ISM1: variants seen among roughly 807,000 people sequenced by gnomAD.
ISM1 encodes the protein isthmin-1.
ISM1 carries 25 observed loss-of-function variants against 46.3 expected under a neutral mutation model. The observed-to-expected ratio is 0.54, with a 90% CI of 0.39 to 0.75. The LOEUF (loss-of-function observed/expected upper bound fraction) is 0.75, where lower values mean the gene tolerates loss of function less well. ISM1 is among the 30% of genes least tolerant of loss of function. The pLI is 0.00. For synonymous variants in ISM1, 255 were observed against 256.7 expected (o/e 0.99, Z 0.06); for missense variants, 536 against 625.4 (o/e 0.86, Z 1.52).
the ISM1 span, among the ~76,000 whole-genome samples, chr20:13,309,248 G>A: frequency 1.3e-4 from 20 of 152,012 alleles, no homozygotes; most frequent in South Asian, 4.2e-3. Context: ...GTGAGTGGGT[G>A]GAGGAGGGGA....
rs183347924 is a variant in ISM1 at position 13,234,606 on chromosome 20, G to A, written c.138+12692G>A. Among the ~76,000 whole-genome samples, 181 of 152,194 alleles carry A rather than the reference G, an allele frequency of 1.2e-3. 5 individuals are homozygous for A. In the South Asian group the frequency reaches 0.035, roughly 30 times the overall value. The stretch of plus-strand genomic sequence containing the variant: ...AGTGTGCCCTTTTAGCCATGTCCTC[G>A]CCAACATATGTTGCTTTTAGATTTT... On this transcript the variant is annotated intron_variant, in intron 1 of 5. Transcript: ENST00000262487.
chr20:13,297,368 T>A (rs952986193), intron 5 of ISM1, among the ~76,000 whole-genome samples: 1 of 152,190 alleles, frequency 6.6e-6, no homozygotes, highest in African/African-American at 2.4e-5. Context: ...CAGTGGTTAC[T>A]CGTTTGCTCC....
In ISM1 at chr20:13,285,607, C is replaced by G. The variant is rs558430288; in HGVS notation, c.644-2933C>G. Among the ~76,000 whole-genome samples, 4 of 152,344 alleles carry G rather than the reference C, an allele frequency of 2.6e-5. No homozygotes were observed. The East Asian group carries it at 7.7e-4, about 29-fold the overall frequency. ...TGCACGGGCACTTTGTATACCTCAG[C>G]TGGCATCCTATTTGCTATTATCCCA... On this transcript the variant is annotated intron_variant, in intron 3 of 5. Coordinates refer to ENST00000262487, the MANE Select transcript of ISM1 (RefSeq NM_080826.2).
chr20:13,319,401 G>A, the ISM1 span, among the ~76,000 whole-genome samples: 12 of 152,138 alleles, frequency 7.9e-5, no homozygotes, highest in African/African-American at 2.9e-4. Flanking sequence ...CAGAGACACA[G>A]GACCCACTGA....
the ISM1 span, among the ~76,000 whole-genome samples, chr20:13,315,341 T>A: frequency 0.12 from 18,393 of 151,986 alleles, 1,243 homozygotes; most frequent in Admixed American, 0.18. Context: ...AGGTAAGTGT[T>A]TGCAGAAACA....
At chr20:13,269,302 C>T (rs1338975489) in intron 1 of ISM1, among the ~76,000 whole-genome samples, 1 of 152,174 alleles carries the variant, frequency 6.6e-6, no homozygotes, top group Admixed American at 6.5e-5. Context: ...AAAAGAAAGG[C>T]TGGTTTGGAA....
At chr20:13,232,857 C>T (rs945698675) in intron 1 of ISM1, among the ~76,000 whole-genome samples, 2 of 152,146 alleles carry the variant, frequency 1.3e-5, no homozygotes, top group East Asian at 1.9e-4. Flanking sequence ...TTATGAAATA[C>T]TGAAAGAAGG....
chr20:13,281,764 G>A (rs1028721983), intron 3 of ISM1, among the ~76,000 whole-genome samples: 1 of 152,172 alleles, frequency 6.6e-6, no homozygotes, highest in Admixed American at 6.5e-5. Flanking sequence ...ACAGAGGACC[G>A]CTTGATGCCA....
intron 1 of ISM1, among the ~76,000 whole-genome samples, chr20:13,223,187 TA>T (rs377254485): frequency 0.012 from 1,480 of 125,516 alleles, 21 homozygotes; most frequent in African/African-American, 0.044. Context: ...TAAAATAAAA[TA>T]AAATAAATAA....
chr20:13,240,025 T>C (rs1237553462), intron 1 of ISM1, among the ~76,000 whole-genome samples: 1 of 152,190 alleles, frequency 6.6e-6, no homozygotes. Flanking sequence ...AGAAAGGTAA[T>C]TAAATGGACA....
intron 2 of ISM1, among the ~76,000 whole-genome samples, chr20:13,273,506 G>C (rs1338512577): frequency 2.0e-5 from 3 of 152,056 alleles, no homozygotes; most frequent in Non-Finnish European, 4.4e-5. Flanking sequence ...AAAATGCGGG[G>C]ATTATAGACA....
chr20:13,270,647 A>G lies in ISM1; in HGVS notation c.282A>G (p.Ser94=), dbSNP rs1413462213. The change falls in exon 2 of 6, where the codon TCA becomes TCG. Residue 94 remains serine, a synonymous_variant. Transcript: ENST00000262487. ...PRFRQETGHP[S]LQRDFPRSFL... is the part of the protein sequence containing the mutation. ...TCCGACAAGAGACGGGGCACCCTTC[A>G]TTGCAAAGAGATTTCCCCAGATCCT... 6.2e-7 allele frequency: 1 copy of G among 1,613,986 alleles called. No homozygotes were observed. The highest frequency in any genetic ancestry group is 1.7e-5 in the Admixed American group (1 of 60,018).
chr20:13,236,453 A>G (rs973727287), intron 1 of ISM1, among the ~76,000 whole-genome samples: 2 of 152,002 alleles, frequency 1.3e-5, no homozygotes, highest in African/African-American at 4.8e-5. Context: ...TGGGGACACA[A>G]CCAAGTCATA....
At chr20:13,264,103 A>G (rs2040018211) in intron 1 of ISM1, among the ~76,000 whole-genome samples, 1 of 152,120 alleles carries the variant, frequency 6.6e-6, no homozygotes, top group African/African-American at 2.4e-5. Context: ...ATCAACTAGT[A>G]CTTATTTGTT....
intron 1 of ISM1, among the ~76,000 whole-genome samples, chr20:13,251,285 A>T (rs534263748): frequency 5.4e-4 from 83 of 152,312 alleles, no homozygotes; most frequent in African/African-American, 2.0e-3. Context: ...GAATTCTGGC[A>T]GTGGATAAGT....
At chr20:13,312,408 C>G in the ISM1 span, among the ~76,000 whole-genome samples, 2 of 152,226 alleles carry the variant, frequency 1.3e-5, no homozygotes, top group African/African-American at 4.8e-5. Context: ...TCCTACCAGC[C>G]TTGCTGGTTC....
chr20:13,282,481 C>A (rs1200859860), intron 3 of ISM1, among the ~76,000 whole-genome samples: 1 of 152,216 alleles, frequency 6.6e-6, no homozygotes, highest in African/African-American at 2.4e-5. Flanking sequence ...ATTAAGAACA[C>A]CCCCTCTATT....
At chr20:13,301,475 C>T (rs1189531523), downstream of ISM1, among the ~76,000 whole-genome samples, 1 of 152,196 alleles carries the variant, frequency 6.6e-6, no homozygotes, top group African/African-American at 2.4e-5. Flanking sequence ...AAGCATGAAA[C>T]ACCATGCCCA....
chr20:13,301,888 T>C (rs532769991), downstream of ISM1, among the ~76,000 whole-genome samples: 1 of 152,292 alleles, frequency 6.6e-6, no homozygotes, highest in Non-Finnish European at 1.5e-5. Flanking sequence ...CACAAAGTAC[T>C]ATGAAGAAAT....
Sources: allele counts gnomAD v4.1 joint callset (sites outside exome capture counted in the v4.1 genomes callset), GRCh38; gene constraint gnomAD v4.1.1; transcripts MANE v1.5; gene names NCBI Gene and HGNC (gene_info 2026-07-23, HGNC 2026-07-21).